Variants in ROBO2 observed in about 807,000 individuals in gnomAD.
The protein encoded by ROBO2 is roundabout homolog 2.
ROBO2 carries 53 observed loss-of-function variants against 160.8 expected under a neutral mutation model. The observed-to-expected ratio is 0.33, with a 90% CI of 0.26 to 0.41. The LOEUF (loss-of-function observed/expected upper bound fraction) is 0.41. Among genes scored for constraint, ROBO2 ranks in the 10% least tolerant of loss-of-function variants. The pLI is 1.00. For missense variants in ROBO2, 1,577 were observed against 1,722.4 expected, an observed-to-expected ratio of 0.92 and a Z score of 1.49; for synonymous variants, 664 against 611.7, an observed-to-expected ratio of 1.09 and a Z score of -1.26.
chr3:76,510,972 G>C (rs926759294), intron 2 of ROBO2, among the ~76,000 whole-genome samples: 6 of 152,156 alleles, frequency 3.9e-5, no homozygotes, highest in African/African-American at 1.2e-4. Context: ...CAGTATTAAA[G>C]TTTTAAAGAT....
intron 2 of ROBO2, among the ~76,000 whole-genome samples, chr3:77,118,684 T>C (rs1375572467): frequency 6.6e-6 from 1 of 152,224 alleles, no homozygotes; most frequent in Non-Finnish European, 1.5e-5. Flanking sequence ...GATATTTTTA[T>C]GTAAAGCAAG....
chr3:76,684,605 C>A (rs891904626), intron 2 of ROBO2, among the ~76,000 whole-genome samples: 23 of 152,136 alleles, frequency 1.5e-4, no homozygotes, highest in Non-Finnish European at 2.5e-4. Context: ...TACATCAATG[C>A]ATAAAAATTC....
At chr3:77,156,432 C>T (rs1482305243) in intron 2 of ROBO2, among the ~76,000 whole-genome samples, 1 of 151,974 alleles carries the variant, frequency 6.6e-6, no homozygotes, top group East Asian at 1.9e-4. Context: ...TCACTAAGAA[C>T]TGTTGTGAAT....
At chr3:77,109,160 T>A (rs2073240011) in intron 2 of ROBO2, among the ~76,000 whole-genome samples, 1 of 152,196 alleles carries the variant, frequency 6.6e-6, no homozygotes, top group South Asian at 2.1e-4. Flanking sequence ...TTAAATTTAG[T>A]TTGCTAGAGT....
chr3:76,909,336 G>T (rs993006567), intron 2 of ROBO2, among the ~76,000 whole-genome samples: 1 of 152,052 alleles, frequency 6.6e-6, no homozygotes, highest in Non-Finnish European at 1.5e-5. Flanking sequence ...ATGTGCACTC[G>T]CAGACACACA....
chr3:77,351,335 T>C (rs1049410934), intron 2 of ROBO2, among the ~76,000 whole-genome samples: 7 of 152,176 alleles, frequency 4.6e-5, no homozygotes, highest in African/African-American at 1.7e-4. Flanking sequence ...AATTCCTCTT[T>C]AACATCAAGA....
chr3:76,382,683 G>A (rs1317527384), intron 2 of ROBO2, among the ~76,000 whole-genome samples: 1 of 152,232 alleles, frequency 6.6e-6, no homozygotes, highest in East Asian at 1.9e-4. Flanking sequence ...AGGCAATGAA[G>A]TGAATACTTT....
At chr3:76,679,150 T>G (rs534224555) in intron 2 of ROBO2, among the ~76,000 whole-genome samples, 2 of 152,270 alleles carry the variant, frequency 1.3e-5, no homozygotes, top group South Asian at 4.1e-4. Flanking sequence ...CACATAATAC[T>G]TTTAGCTTAA....
chr3:77,048,220 G>A (rs1315367906), intron 1 of ROBO2, among the ~76,000 whole-genome samples: 1 of 152,128 alleles, frequency 6.6e-6, no homozygotes, highest in East Asian at 1.9e-4. Context: ...GACTACAATT[G>A]GGGTGCATGT....
intron 2 of ROBO2, among the ~76,000 whole-genome samples, chr3:77,241,613 C>T (rs2089054483): frequency 6.6e-6 from 1 of 152,136 alleles, no homozygotes; most frequent in African/African-American, 2.4e-5. Flanking sequence ...ATCTTACTTT[C>T]ATAGACTAGA....
At chr3:76,782,274 A>G (rs997961439) in intron 2 of ROBO2, among the ~76,000 whole-genome samples, 5 of 150,742 alleles carry the variant, frequency 3.3e-5, no homozygotes, top group Admixed American at 6.6e-5. Flanking sequence ...ATCTTTCGAA[A>G]TCAGTTAAGA....
At position 77,190,848 on chromosome 3, in the gene ROBO2, T is replaced by A. The variant is rs1041911666; in HGVS notation, c.388+92508T>A. Reference sequence around the variant, plus strand: ...GATGGTAGTAAATTTGTGTTCTTTATATAAATTATAGAATGATGTACAAGA... The same window carrying A: ...GATGGTAGTAAATTTGTGTTCTTTAAATAAATTATAGAATGATGTACAAGA... On this transcript the variant is annotated intron_variant, in intron 2 of 25. Coordinates refer to ENST00000461745, the Ensembl canonical transcript of ROBO2. Among the ~76,000 whole-genome samples the A allele has an allele frequency of 1.4e-4, 22 of 152,054 alleles. 1 individual carries two copies. Among genetic ancestry groups the A allele is most frequent in the Non-Finnish European group, 5.9e-5 (4 of 67,962 alleles).
intron 2 of ROBO2, among the ~76,000 whole-genome samples, chr3:76,366,939 A>G (rs1016193716): frequency 1.3e-5 from 2 of 151,998 alleles, no homozygotes; most frequent in South Asian, 4.1e-4. Context: ...TTTGTTTTAA[A>G]CTATAATAGA....
intron 2 of ROBO2, among the ~76,000 whole-genome samples, chr3:76,056,169 C>G (rs1340776502): frequency 6.6e-6 from 1 of 152,144 alleles, no homozygotes; most frequent in African/African-American, 2.4e-5. Flanking sequence ...TATAACAACT[C>G]TGTAGATAAT....
intron 5 of ROBO2, among the ~76,000 whole-genome samples, chr3:77,500,896 G>A (rs2087496698): frequency 6.6e-6 from 1 of 152,170 alleles, no homozygotes; most frequent in African/African-American, 2.4e-5. Context: ...CTGGCCAGTG[G>A]TCAACTAACA....
chr3:76,965,501 C>T (rs2079999433), intron 2 of ROBO2, among the ~76,000 whole-genome samples: 2 of 152,142 alleles, frequency 1.3e-5, no homozygotes, highest in South Asian at 2.1e-4. Context: ...CAGTTCCCTA[C>T]TGAAGGGAAA....
intron 2 of ROBO2, among the ~76,000 whole-genome samples, chr3:76,481,577 A>G (rs2079207857): frequency 6.6e-6 from 1 of 152,206 alleles, no homozygotes; most frequent in South Asian, 2.1e-4. Context: ...CACTGTAGCT[A>G]TGCGGAAGCA....
chr3:77,589,950 T>A (rs1310057279), intron 17 of ROBO2, among the ~76,000 whole-genome samples: 2 of 152,144 alleles, frequency 1.3e-5, no homozygotes, highest in African/African-American at 4.8e-5. Flanking sequence ...GAAGCATAAA[T>A]GTCTTAGTAA....
At chr3:76,327,980 G>T (rs549973112) in intron 2 of ROBO2, among the ~76,000 whole-genome samples, 6 of 152,106 alleles carry the variant, frequency 3.9e-5, no homozygotes, top group Admixed American at 6.5e-5. Flanking sequence ...GACAGGGAAA[G>T]GTTGCCCTAG....
Sources: allele counts gnomAD v4.1 joint callset (sites outside exome capture counted in the v4.1 genomes callset), GRCh38; gene constraint gnomAD v4.1.1; transcripts MANE v1.5; gene names NCBI Gene and HGNC (gene_info 2026-07-23, HGNC 2026-07-21).